The following CIMAP1A variants were observed in gnomAD, a reference collection of about 807,000 sequenced individuals.
The protein encoded by CIMAP1A is cancer/testis antigen 135.
At chr11:199,580 G>A in the CIMAP1A span, 37 of 1,490,330 alleles carry the variant, frequency 2.5e-5, no homozygotes, top group African/African-American at 4.2e-4. Context: ...GTGTAGGAAA[G>A]AGCAGGGAGG....
At chr11:199,167 G>A in the CIMAP1A span, 1 of 1,420,728 alleles carries the variant, frequency 7.0e-7, no homozygotes, top group Non-Finnish European at 9.2e-7. Context: ...GGCTGAAATG[G>A]AGGAAGTGAC....
At chr11:197,196 T>C in the CIMAP1A span, 1 of 729,202 alleles carries the variant, frequency 1.4e-6, no homozygotes, top group Non-Finnish European at 2.2e-6. Context: ...CCGCAGGTCT[T>C]ACCCTTCAGT....
chr11:199,161 G>A, the CIMAP1A span: 3 of 1,417,374 alleles, frequency 2.1e-6, no homozygotes, highest in Non-Finnish European at 2.8e-6. Flanking sequence ...GCGTGAGGCT[G>A]AAATGGAGGA....
At chr11:198,281 C>T in the CIMAP1A span, 2 of 1,614,036 alleles carry the variant, frequency 1.2e-6, no homozygotes, top group Non-Finnish European at 1.7e-6. Context: ...CAAAGGCATT[C>T]CGAGTGGACA....
At chr11:198,618 A>AC in the CIMAP1A span, 1 of 1,571,992 alleles carries the variant, frequency 6.4e-7, no homozygotes, top group Non-Finnish European at 8.6e-7. Flanking sequence ...ACAGAGAATC[A>AC]CCCCCAACCA....
At chr11:199,331 G>C in the CIMAP1A span, 6 of 1,553,592 alleles carry the variant, frequency 3.9e-6, no homozygotes, top group Non-Finnish European at 4.4e-6. Flanking sequence ...ACACGCCCTG[G>C]GTAGGCCGAG....
At chr11:197,900 G>A in the CIMAP1A span, 1 of 1,493,140 alleles carries the variant, frequency 6.7e-7, no homozygotes, top group Non-Finnish European at 8.9e-7. Flanking sequence ...TTTCTCTCTT[G>A]AGGGGTCACC....
At chr11:199,501 C>T in the CIMAP1A span, 1 of 1,555,336 alleles carries the variant, frequency 6.4e-7, no homozygotes, top group Non-Finnish European at 8.7e-7. Flanking sequence ...CGCCCACAGC[C>T]CTGAGAAGGT....
the CIMAP1A span, chr11:200,149 C>T: frequency 4.1e-6 from 4 of 971,330 alleles, no homozygotes; most frequent in Admixed American, 1.0e-4. Context: ...CAGGGCAGAG[C>T]ACGCTTGTTT....
the CIMAP1A span, chr11:197,730 C>T: frequency 7.4e-6 from 12 of 1,613,804 alleles, no homozygotes; most frequent in Non-Finnish European, 1.0e-5. Flanking sequence ...TGGGGCGCTA[C>T]CAAACCAAGA....
At chr11:199,620 G>C in the CIMAP1A span, 1 of 1,447,618 alleles carries the variant, frequency 6.9e-7, no homozygotes, top group South Asian at 1.4e-5. Context: ...GGGGAAACAG[G>C]GTCAGGCTAT....
At chr11:198,423 T>C in the CIMAP1A span, 1 of 1,613,134 alleles carries the variant, frequency 6.2e-7, no homozygotes, top group Non-Finnish European at 8.5e-7. Flanking sequence ...GAAGGAGCAG[T>C]GGGCCCTGTT....
the CIMAP1A span, chr11:196,912 C>G: frequency 0.041 from 6,845 of 166,472 alleles, 217 homozygotes; most frequent in East Asian, 0.11. Context: ...TGTCCCTGCA[C>G]TGAAGAAGTT....
At chr11:198,071 C>T in the CIMAP1A span, 1 of 1,546,772 alleles carries the variant, frequency 6.5e-7, no homozygotes, top group Non-Finnish European at 8.7e-7. Context: ...CCTGACCCGA[C>T]TTGGTCACCA....
the CIMAP1A span, chr11:199,010 A>G: frequency 9.2e-6 from 11 of 1,192,166 alleles, no homozygotes; most frequent in Non-Finnish European, 1.2e-5. Context: ...ATGGGGAAGC[A>G]GCATCATGGC....
chr11:199,777 CTG>C, the CIMAP1A span: 4 of 1,443,180 alleles, frequency 2.8e-6, no homozygotes, highest in Non-Finnish European at 3.6e-6. Flanking sequence ...TCCCTAGACA[CTG>C]TGACAGCTAC....
chr11:197,407 A>C, the CIMAP1A span: 2 of 1,601,416 alleles, frequency 1.2e-6, no homozygotes, highest in Non-Finnish European at 1.7e-6. Context: ...GATTCCACCA[A>C]CAACAGGTAA....
chr11:197,330 C>T, the CIMAP1A span: 1 of 1,587,604 alleles, frequency 6.3e-7, no homozygotes, highest in South Asian at 1.1e-5. Context: ...TGGATGGGTA[C>T]CTGGAGGCCC....
the CIMAP1A span, chr11:197,740 A>G: frequency 4.3e-6 from 7 of 1,613,454 alleles, no homozygotes; most frequent in Non-Finnish European, 5.9e-6. Flanking sequence ...CCAAACCAAG[A>G]CCATGCTGAC....
Sources: gnomAD v4.1 joint callset for allele counts on GRCh38, gnomAD v4.1.1 for gene constraint, MANE v1.5 for transcripts, NCBI Gene and HGNC (gene_info 2026-07-23, HGNC 2026-07-21) for gene names.